The following FIBCD1 variants were observed in gnomAD, a reference collection of about 807,000 sequenced individuals.
FIBCD1 encodes the protein fibrinogen C domain containing 1, also known as fibrinogen C domain-containing protein 1.
Under a neutral mutation model 45.1 loss-of-function variants are expected in FIBCD1, and 47 were observed. The observed-to-expected ratio is 1.04, with a 90% CI of 0.82 to 1.33. FIBCD1 has a LOEUF of 1.33. Among genes scored for constraint, FIBCD1 ranks in the 40% most tolerant of loss-of-function variants. The probability of loss-of-function intolerance (pLI) is 0.00; values close to 1 mark genes in which losing one functional copy is unlikely to be tolerated. For synonymous variants in FIBCD1, 313 were observed against 308.1 expected (o/e 1.02, Z -0.17); for missense variants, 653 against 682.2 (o/e 0.96, Z 0.48).
At chr9:130,930,314 A>G (rs1024587757) in intron 1 of FIBCD1, among the ~76,000 whole-genome samples, 1 of 152,052 alleles carries the variant, frequency 6.6e-6, no homozygotes, top group African/African-American at 2.4e-5. Context: ...AGGTGGAGAC[A>G]TAGGGAGAGA....
In FIBCD1 at chr9:130,924,235, A is replaced by C; in HGVS notation, c.712+2T>G. 6.3e-7 allele frequency: 1 copy of C among 1,586,998 alleles called. No individual in the cohort carries two copies. Among genetic ancestry groups the C allele is most frequent in the Non-Finnish European group, 8.6e-7 (1 of 1,168,242 alleles). On this transcript the variant is annotated splice_donor_variant, in intron 3 of 6. Coordinates refer to ENST00000372338, the MANE Select transcript of FIBCD1 (RefSeq NM_032843.5). LOFTEE classifies it high-confidence loss of function. The stretch of plus-strand genomic sequence containing the variant: ...GAGGAAGGCAGGCCCTGCCCCACTC[A>C]CCAGTGGCACAGCCCCGGGGCCGGG...
chr9:130,919,712 G>C (rs1832226229), intron 4 of FIBCD1, among the ~76,000 whole-genome samples: 2 of 152,250 alleles, frequency 1.3e-5, no homozygotes, highest in African/African-American at 4.8e-5. Context: ...ACCTGGCGGA[G>C]AACAGGGCTG....
chr9:130,939,813 C>A (rs540752733), upstream of FIBCD1, among the ~76,000 whole-genome samples: 2 of 152,090 alleles, frequency 1.3e-5, no homozygotes, highest in South Asian at 2.1e-4. Context: ...CCCGGAGCGG[C>A]CTTCGGAGGT....
At chr9:130,905,645 C>T (rs73656070) in intron 5 of FIBCD1, among the ~76,000 whole-genome samples, 3,431 of 152,262 alleles carry the variant, frequency 0.023, 122 homozygotes, top group African/African-American at 0.079. Context: ...TTAAGTGGAG[C>T]TGTGATGCTT....
intron 5 of FIBCD1, among the ~76,000 whole-genome samples, chr9:130,908,163 G>T (rs1831968286): frequency 6.6e-6 from 1 of 152,028 alleles, no homozygotes; most frequent in African/African-American, 2.4e-5. Context: ...CAAATGATCG[G>T]TAACCTTAAT....
At chr9:130,923,301 G>A (rs1050062709) in intron 4 of FIBCD1, among the ~76,000 whole-genome samples, 1 of 152,186 alleles carries the variant, frequency 6.6e-6, no homozygotes, top group Non-Finnish European at 1.5e-5. Context: ...GCTGTGGGGG[G>A]TCTCTGCTCC....
In FIBCD1 at chr9:130,923,748, C is replaced by T. The variant is rs1832302997; in HGVS notation, c.845G>A (p.Trp282Ter). The change falls in exon 4 of 7, where the codon TGG (tryptophan) becomes TAG (stop). Residue 282 changes from tryptophan (W) to a stop codon, truncating the protein, a stop_gained. Transcript: ENST00000372338. LOFTEE classifies it high-confidence loss of function. The part of the protein sequence containing the change: ...YCDMRTDGGG[W>*]TVFQRREDGS... ...CGCCCAGCCTGGGACACTCACCGTC[C>T]AGCCGCCGCCGTCCGTGCGCATGTC... 6.2e-7 allele frequency: 1 copy of T among 1,611,938 alleles called. No individual in the cohort carries two copies. Among genetic ancestry groups the T allele is most frequent in the Non-Finnish European group, 8.5e-7 (1 of 1,179,786 alleles).
chr9:130,909,210 G>T (rs1004053940), intron 5 of FIBCD1, among the ~76,000 whole-genome samples: 1 of 151,840 alleles, frequency 6.6e-6, no homozygotes, highest in Non-Finnish European at 1.5e-5. Flanking sequence ...GGGAACTCCC[G>T]GGATGTCCTC....
chr9:130,921,747 C>G (rs1399641410), intron 4 of FIBCD1, among the ~76,000 whole-genome samples: 1 of 152,256 alleles, frequency 6.6e-6, no homozygotes, highest in Non-Finnish European at 1.5e-5. Context: ...ACTGTTCCGC[C>G]CGCCAAGGGG....
intron 1 of FIBCD1, 68 bp downstream of exon 1, chr9:130,938,467 GC>G (rs2133131892): frequency 1.5e-6 from 2 of 1,334,402 alleles, no homozygotes; most frequent in Admixed American, 3.3e-5. Flanking sequence ...ATGGGTGCTC[GC>G]CCCGCCGGCC....
intron 4 of FIBCD1, among the ~76,000 whole-genome samples, chr9:130,921,982 C>A (rs1406013459): frequency 6.6e-6 from 1 of 152,240 alleles, no homozygotes. Flanking sequence ...GTCCCTCCAC[C>A]GGCCGCCTGT....
rs148875156 is a variant in FIBCD1, at chr9:130,906,038, G to C, written c.947-625C>G. ...TCCGACCTAGCCACTGCTGACCCCAGTGCCTGGGGTGGGGCCTGGCACAAT... is the reference window on the plus strand; with the variant it reads ...TCCGACCTAGCCACTGCTGACCCCACTGCCTGGGGTGGGGCCTGGCACAAT... On this transcript the variant is annotated intron_variant, in intron 5 of 6. Transcript: ENST00000372338. Among the ~76,000 whole-genome samples the C allele has an allele frequency of 3.7e-4, 57 of 152,290 alleles. No individual in the cohort carries two copies. The East Asian group carries it at 0.011, about 28-fold the overall frequency.
In FIBCD1 at chr9:130,929,894, G is replaced by A. The variant is rs1455851808; in HGVS notation, c.225C>T (p.Ala75=). 6.5e-7 allele frequency: 1 copy of A among 1,549,576 alleles called. No individual in the cohort carries two copies. Among genetic ancestry groups the A allele is most frequent in the Admixed American group, 2.0e-5 (1 of 50,980 alleles). Reference sequence around the variant, plus strand: ...TTTCCACAGTGACCAGGGCGCTGTTGGCGCTGGCAGCCCCAGTGCTGACGA... The same window carrying A: ...TTTCCACAGTGACCAGGGCGCTGTTAGCGCTGGCAGCCCCAGTGCTGACGA... The part of the protein sequence containing the change: ...PPVVSTGAAS[A]NSALVTVERA... Residue 75 remains alanine, a synonymous_variant, in exon 2 of 7, where the codon GCC becomes GCT. Transcript: ENST00000372338.
chr9:130,908,162 G>A (rs142248751), intron 5 of FIBCD1, among the ~76,000 whole-genome samples: 12 of 152,112 alleles, frequency 7.9e-5, no homozygotes, highest in African/African-American at 1.7e-4. Context: ...ACAAATGATC[G>A]GTAACCTTAA....
rs745675743 is a variant in FIBCD1, at chr9:130,923,758, C to T, written c.835G>A (p.Gly279Ser). The change falls in exon 4 of 7, where the codon GGC becomes AGC. Residue 279 changes from glycine to serine, a missense_variant. Gly to Ser is a moderately conservative substitution (Grantham distance 56, BLOSUM62 0). Transcript: ENST00000372338. Reference sequence around the variant, plus strand: ...GGGACACTCACCGTCCAGCCGCCGCCGTCCGTGCGCATGTCACAGTACACC... The same window carrying T: ...GGGACACTCACCGTCCAGCCGCCGCTGTCCGTGCGCATGTCACAGTACACC... Reference protein sequence around the residue: ...FQVYCDMRTDGGGWTVFQRRE... With the variant: ...FQVYCDMRTDSGGWTVFQRRE... 7 of 1,612,222 alleles carry T rather than the reference C, an allele frequency of 4.3e-6. No homozygotes were observed. The highest frequency in any genetic ancestry group is 4.5e-5 in the East Asian group (2 of 44,882).
At chr9:130,906,837 G>GA (rs560979771) in intron 5 of FIBCD1, among the ~76,000 whole-genome samples, 68 of 152,344 alleles carry the variant, frequency 4.5e-4, no homozygotes, top group African/African-American at 1.6e-3. Context: ...TTTAATTACA[G>GA]AATCCCTGGG....
Position 130,922,178 on chromosome 9 carries a change from A to G in FIBCD1, c.849+1566T>C, listed in dbSNP as rs968658000. On this transcript the variant is annotated intron_variant, in intron 4 of 6. Coordinates refer to ENST00000372338, the MANE Select transcript of FIBCD1 (RefSeq NM_032843.5). This position sits in a 1 kb window ranked among gnomAD's most constrained non-coding sequence, Gnocchi z 4.5. Reference sequence around the variant, plus strand: ...CCAGATGTTTGTGGGCCTGGACATCAATACACCAAAAATAGTCAGCACCAA... The same window carrying G: ...CCAGATGTTTGTGGGCCTGGACATCGATACACCAAAAATAGTCAGCACCAA... 1.1e-4 allele frequency among the ~76,000 whole-genome samples: 16 copies of G among 152,120 alleles called. No homozygotes were observed. Among genetic ancestry groups the G allele is most frequent in the African/African-American group, 3.1e-4 (13 of 41,430 alleles).
chr9:130,930,359 G>A (rs1388116250), intron 1 of FIBCD1, among the ~76,000 whole-genome samples: 2 of 151,540 alleles, frequency 1.3e-5, no homozygotes, highest in African/African-American at 2.4e-5. Context: ...GAGATGCAGG[G>A]AGACACAGGG....
chr9:130,940,594 T>G (rs1001586839), upstream of FIBCD1, among the ~76,000 whole-genome samples: 1 of 152,210 alleles, frequency 6.6e-6, no homozygotes, highest in African/African-American at 2.4e-5. Flanking sequence ...GCAAGCAACA[T>G]ACCTCTCCGA....
Sources: gnomAD v4.1 joint callset for allele counts (sites outside exome capture counted in the v4.1 genomes callset) on GRCh38, gnomAD v4.1.1 for gene constraint, Gnocchi (gnomAD v3.1) non-coding constraint, MANE v1.5 for transcripts, NCBI Gene and HGNC (gene_info 2026-07-23, HGNC 2026-07-21) for gene names.